ANKS1A: variants seen among roughly 807,000 people sequenced by gnomAD.
ANKS1A encodes ankyrin repeat and sterile alpha motif domain containing 1A.
A neutral mutation model predicts 120.3 loss-of-function variants in ANKS1A; 55 were observed. The observed-to-expected ratio is 0.46, with a 90% CI of 0.37 to 0.57. The LOEUF is 0.57. ANKS1A is among the 20% of genes least tolerant of loss of function. ANKS1A has a pLI of 0.00. For missense variants in ANKS1A, 1,123 were observed against 1,480.3 expected, an observed-to-expected ratio of 0.76 and a Z score of 3.96; for synonymous variants, 590 against 604.7, an observed-to-expected ratio of 0.98 and a Z score of 0.36.
intron 13 of ANKS1A, among the ~76,000 whole-genome samples, chr6:35,073,954 G>A (rs555833344): frequency 8.5e-5 from 13 of 152,334 alleles, no homozygotes; most frequent in East Asian, 1.9e-4. Flanking sequence ...AGGACCCCGC[G>A]CTGCGCCCGG....
chr6:34,976,764 TTCTG>T (rs1771615587), intron 3 of ANKS1A, among the ~76,000 whole-genome samples: 2 of 114,772 alleles, frequency 1.7e-5, no homozygotes, highest in South Asian at 5.8e-4. Context: ...CTTTTTCTCT[TTCTG>T]TGTGTGTGCG....
chr6:34,996,272 G>GA (rs1299174719), intron 10 of ANKS1A, among the ~76,000 whole-genome samples: 6 of 151,884 alleles, frequency 4.0e-5, no homozygotes, highest in African/African-American at 1.5e-4. Context: ...TTTGCTCATT[G>GA]AAAAAAATTA....
chr6:34,891,145 G>A (rs1251472685), intron 1 of ANKS1A, among the ~76,000 whole-genome samples: 6 of 152,150 alleles, frequency 3.9e-5, no homozygotes, highest in African/African-American at 1.2e-4. Context: ...ACTTAAGCTG[G>A]CCTTGAAGGA....
At chr6:34,950,312 C>T (rs994433263) in intron 1 of ANKS1A, among the ~76,000 whole-genome samples, 6 of 149,954 alleles carry the variant, frequency 4.0e-5, no homozygotes, top group Admixed American at 2.0e-4. Context: ...CTGGAACCTC[C>T]GTCTCCCTGG....
intron 11 of ANKS1A, among the ~76,000 whole-genome samples, chr6:35,023,308 C>A (rs1774444103): frequency 6.6e-6 from 1 of 152,138 alleles, no homozygotes; most frequent in African/African-American, 2.4e-5. Context: ...CTGCAGGGAC[C>A]CTGAGTGATA....
At chr6:35,048,814 G>C (rs573224516) in intron 11 of ANKS1A, among the ~76,000 whole-genome samples, 1 of 152,226 alleles carries the variant, frequency 6.6e-6, no homozygotes, top group African/African-American at 2.4e-5. Context: ...CGCCTGATGG[G>C]ATCGGCACAG....
At chr6:35,049,138 AGT>A (rs1249149370) in intron 11 of ANKS1A, among the ~76,000 whole-genome samples, 1 of 152,058 alleles carries the variant, frequency 6.6e-6, no homozygotes, top group Non-Finnish European at 1.5e-5. Flanking sequence ...AAAGTTGTGG[AGT>A]GTGAGGTGCT....
chr6:35,000,797 T>A (rs1773127285), intron 10 of ANKS1A, among the ~76,000 whole-genome samples: 1 of 152,136 alleles, frequency 6.6e-6, no homozygotes, highest in Non-Finnish European at 1.5e-5. Context: ...TAAGGAGGCA[T>A]AAGAATGTGG....
At chr6:34,906,395 G>A (rs569108951) in intron 1 of ANKS1A, among the ~76,000 whole-genome samples, 1 of 152,268 alleles carries the variant, frequency 6.6e-6, no homozygotes, top group South Asian at 2.1e-4. Flanking sequence ...TGCTCTCTCT[G>A]CTCGTGAAAC....
At chr6:35,011,889 A>G (rs1230020315) in intron 10 of ANKS1A, among the ~76,000 whole-genome samples, 2 of 152,052 alleles carry the variant, frequency 1.3e-5, no homozygotes, top group Non-Finnish European at 2.9e-5. Context: ...CTTTATGTTG[A>G]TTATGTCATT....
chr6:35,017,349 A>G, intron 10 of ANKS1A, 124 bp from the exon 11 acceptor site: 3 of 972,874 alleles, frequency 3.1e-6, no homozygotes, highest in South Asian at 1.7e-5. Flanking sequence ...TCCCCAGCCT[A>G]TCCAGTTTCT....
At chr6:35,029,706 T>C (rs1351712321) in intron 11 of ANKS1A, among the ~76,000 whole-genome samples, 3 of 149,050 alleles carry the variant, frequency 2.0e-5, no homozygotes, top group Non-Finnish European at 3.0e-5. Context: ...AGATTACAAA[T>C]ATATGTATAT....
chr6:35,054,800 A>G (rs150305216), intron 12 of ANKS1A, among the ~76,000 whole-genome samples: 8 of 152,260 alleles, frequency 5.3e-5, no homozygotes, highest in African/African-American at 1.7e-4. Context: ...GTTTTATCTG[A>G]TGATAGGATT....
chr6:34,973,966 CCTTCCCCTTCCCCTTCCCCTTCCCTTGTG>C (rs1771347824), intron 3 of ANKS1A, among the ~76,000 whole-genome samples: 1 of 61,020 alleles, frequency 1.6e-5, no homozygotes, highest in Non-Finnish European at 3.3e-5. Flanking sequence ...CTTCCCCTTG[CCTTCCCCTTCCCCTTCCCCTTCCCTTGTG>C]CTTCCCCTTC....
Position 35,001,708 on chromosome 6 carries a change from G to C in ANKS1A, c.1423+7286G>C, listed in dbSNP as rs567986617. Among the ~76,000 whole-genome samples the C allele has an allele frequency of 3.9e-5, 6 of 152,308 alleles. No individual in the cohort carries two copies. In the East Asian group the frequency reaches 1.2e-3, roughly 29 times the overall value. The stretch of plus-strand genomic sequence containing the variant: ...AATCAGTCAGCCCTTGTTCATCCCC[G>C]AGCGGATGTGTGGTGGTATTGTGGT... On this transcript the variant is annotated intron_variant, in intron 10 of 23. Coordinates refer to ENST00000360359, the MANE Select transcript of ANKS1A (RefSeq NM_015245.3).
rs1205345408 is a variant in ANKS1A at position 35,086,374 on chromosome 6, T to TA, written c.3303+439dup. On this transcript the variant is annotated intron_variant, in intron 22 of 23. Transcript: ENST00000360359. The surrounding 1 kb of genome is among the most constrained non-coding windows in gnomAD (Gnocchi z 5.1). The stretch of plus-strand genomic sequence containing the variant: ...CTGTTAGTCCTGGAGTCAAGGTCTT[T>TA]ACGCCTCCTGCTGTCTTGTGTGTCA... The TA allele has an allele frequency of 3.1e-6, 4 of 1,294,902 alleles. No individual in the cohort carries two copies. The South Asian group carries it at 4.9e-5, about 16-fold the overall frequency. 80.2% of individuals were successfully genotyped at this position (1,294,902 alleles called of 1,614,324 possible).
At position 34,985,348 on chromosome 6, in the gene ANKS1A, G is replaced by A. The variant is rs556439956; in HGVS notation, c.1209+70G>A. ...GCTGGCCCCTGAGGTGATGGGGCAC[G>A]GGGAAGGGAAGTGTGATCCCTGGTG... On this transcript the variant is annotated intron_variant, in intron 8 of 23. Coordinates refer to ENST00000360359, the MANE Select transcript of ANKS1A (RefSeq NM_015245.3). The A allele has an allele frequency of 8.8e-5, 131 of 1,489,150 alleles. 1 individual carries two copies. The South Asian group carries it at 1.4e-3, about 15-fold the overall frequency. 92.2% of individuals were successfully genotyped at this position (1,489,150 alleles called of 1,614,324 possible).
At chr6:34,915,604 C>T (rs920121532) in intron 1 of ANKS1A, among the ~76,000 whole-genome samples, 7 of 152,172 alleles carry the variant, frequency 4.6e-5, no homozygotes, top group Non-Finnish European at 1.0e-4. Context: ...GCATCAGCCT[C>T]CCAAAGGGCA....
At chr6:35,059,059 C>G (rs542693864) in intron 12 of ANKS1A, among the ~76,000 whole-genome samples, 8 of 152,344 alleles carry the variant, frequency 5.3e-5, no homozygotes, top group African/African-American at 1.7e-4. Flanking sequence ...TCCTTTTTCT[C>G]TCTTTTATCT....
Sources: gnomAD v4.1 joint callset for allele counts (sites outside exome capture counted in the v4.1 genomes callset) on GRCh38, gnomAD v4.1.1 for gene constraint, Gnocchi (gnomAD v3.1) non-coding constraint, MANE v1.5 for transcripts, NCBI Gene and HGNC (gene_info 2026-07-23, HGNC 2026-07-21) for gene names.